PLXDC2: variants seen among roughly 807,000 people sequenced by gnomAD.
PLXDC2 encodes the protein plexin domain-containing protein 2.
A neutral mutation model predicts 68.9 loss-of-function variants in PLXDC2; 40 were observed. The ratio of observed to expected loss-of-function variants is 0.58; its 90% CI spans 0.45 to 0.76. PLXDC2 has a LOEUF of 0.76. PLXDC2 is among the 30% of genes least tolerant of loss of function. PLXDC2 has a pLI of 0.00. For missense variants in PLXDC2, 644 were observed against 661.9 expected (o/e 0.97, Z 0.30); for synonymous variants, 243 against 234.2 (o/e 1.04, Z -0.34).
At chr10:19,996,588 A>AG (rs140956726) in intron 1 of PLXDC2, among the ~76,000 whole-genome samples, 39,278 of 151,868 alleles carry the variant, frequency 0.26, 6,949 homozygotes, top group African/African-American at 0.51. Flanking sequence ...CCCTGTCTCT[A>AG]AAACAAACAA....
At chr10:20,029,024 C>A (rs1274389916) in intron 2 of PLXDC2, among the ~76,000 whole-genome samples, 1 of 152,154 alleles carries the variant, frequency 6.6e-6, no homozygotes, top group African/African-American at 2.4e-5. Flanking sequence ...TTCTGTATTA[C>A]CTCTAGTTGA....
chr10:19,865,965 T>C (rs1357952307), intron 1 of PLXDC2, among the ~76,000 whole-genome samples: 1 of 152,216 alleles, frequency 6.6e-6, no homozygotes, highest in Non-Finnish European at 1.5e-5. Context: ...TCTTATATGC[T>C]TCTGCTGGCT....
chr10:19,939,408 C>T (rs1833779273), intron 1 of PLXDC2, among the ~76,000 whole-genome samples: 1 of 152,092 alleles, frequency 6.6e-6, no homozygotes, highest in Non-Finnish European at 1.5e-5. Flanking sequence ...GGAGTTATAT[C>T]TGCCAATAAG....
intron 13 of PLXDC2, among the ~76,000 whole-genome samples, chr10:20,246,324 T>C (rs1835594610): frequency 6.6e-6 from 1 of 152,196 alleles, no homozygotes. Context: ...AAGGTTGGGT[T>C]TCCTGGGCCC....
chr10:20,048,834 T>C (rs1179667499), intron 3 of PLXDC2, among the ~76,000 whole-genome samples: 2 of 152,116 alleles, frequency 1.3e-5, no homozygotes, highest in Non-Finnish European at 2.9e-5. Context: ...TTGGTTGCCT[T>C]GTGACAGCTC....
chr10:20,045,081 C>T (rs1835773821), intron 2 of PLXDC2, among the ~76,000 whole-genome samples: 1 of 152,150 alleles, frequency 6.6e-6, no homozygotes, highest in South Asian at 2.1e-4. Flanking sequence ...TTTACATCTA[C>T]TTTGTTCTTC....
intron 1 of PLXDC2, among the ~76,000 whole-genome samples, chr10:19,850,093 A>C (rs1284448585): frequency 6.6e-6 from 1 of 152,154 alleles, no homozygotes; most frequent in African/African-American, 2.4e-5. Context: ...AACATTCATC[A>C]ATATACTTTG....
At chr10:19,822,528 T>G (rs1198642996) in intron 1 of PLXDC2, among the ~76,000 whole-genome samples, 3 of 152,194 alleles carry the variant, frequency 2.0e-5, no homozygotes, top group African/African-American at 7.2e-5. Flanking sequence ...GTTTTATTTT[T>G]GATTTTTTGA....
intron 13 of PLXDC2, among the ~76,000 whole-genome samples, chr10:20,265,389 C>T (rs1041189510): frequency 1.3e-5 from 2 of 152,200 alleles, no homozygotes; most frequent in African/African-American, 2.4e-5. Context: ...GTAGCTACTG[C>T]TGTAACACAC....
chr10:19,830,695 T>C (rs1035431821), intron 1 of PLXDC2, among the ~76,000 whole-genome samples: 1 of 151,980 alleles, frequency 6.6e-6, no homozygotes, highest in Admixed American at 6.6e-5. Context: ...CCCCTGGACC[T>C]CAGGCTAACT....
At chr10:20,152,318 A>T (rs911845305) in intron 6 of PLXDC2, among the ~76,000 whole-genome samples, 3 of 152,138 alleles carry the variant, frequency 2.0e-5, no homozygotes, top group Non-Finnish European at 4.4e-5. Flanking sequence ...TTCTTCACCA[A>T]TACCCTGTTG....
chr10:20,185,206 C>T (rs1198842728), intron 9 of PLXDC2, among the ~76,000 whole-genome samples: 3 of 125,216 alleles, frequency 2.4e-5, no homozygotes, highest in Non-Finnish European at 5.0e-5. Context: ...ATTTTCCATA[C>T]AGTGAGGTTT....
intron 4 of PLXDC2, among the ~76,000 whole-genome samples, chr10:20,122,108 C>G (rs1370035293): frequency 1.3e-5 from 2 of 151,838 alleles, no homozygotes; most frequent in Non-Finnish European, 2.9e-5. Context: ...GTCAGGGAAG[C>G]AGATAATGTA....
intron 3 of PLXDC2, among the ~76,000 whole-genome samples, chr10:20,052,456 T>C (rs1019838101): frequency 3.3e-5 from 5 of 152,018 alleles, no homozygotes; most frequent in Non-Finnish European, 5.9e-5. Flanking sequence ...AATGTCCACA[T>C]ACACGTCCAC....
intron 4 of PLXDC2, among the ~76,000 whole-genome samples, chr10:20,125,270 T>C (rs1833756982): frequency 6.6e-6 from 1 of 151,842 alleles, no homozygotes; most frequent in Non-Finnish European, 1.5e-5. Context: ...TTGACTTAAC[T>C]TACTAACAAC....
At position 19,927,700 on chromosome 10, in the gene PLXDC2, C is replaced by T. The variant is rs955625237; in HGVS notation, c.113-74075C>T. On this transcript the variant is annotated intron_variant, in intron 1 of 13. Coordinates refer to ENST00000377252, the MANE Select transcript of PLXDC2 (RefSeq NM_032812.9). ...TGGGTGACAGAGTGAGACTCCATCT[C>T]AAGGAAAAAAAGCAAAAAAAAAAAA... 1.4e-4 allele frequency among the ~76,000 whole-genome samples: 7 copies of T among 50,504 alleles called. No homozygotes were observed. The East Asian group carries it at 1.9e-3, about 14-fold the overall frequency. 33.1% of individuals were successfully genotyped at this position (50,504 alleles called of 152,430 possible).
rs548533158 is a variant in PLXDC2, at chr10:19,997,786, T to C, written c.113-3989T>C. Among the ~76,000 whole-genome samples the C allele has an allele frequency of 4.4e-4, 67 of 152,188 alleles. 1 individual carries two copies. The highest frequency in any genetic ancestry group is 8.1e-4 in the Non-Finnish European group (55 of 68,014). On this transcript the variant is annotated intron_variant, in intron 1 of 13. Transcript: ENST00000377252. ...ATGAATTTCCTGTTCTACTCTCAGA[T>C]TAACTGAACGTTGTGGGGTTTCCTA... is the stretch of plus-strand genomic sequence containing the variant.
chr10:20,105,354 T>C (rs2461946), intron 4 of PLXDC2, among the ~76,000 whole-genome samples: 49,763 of 152,104 alleles, frequency 0.33, 10,745 homozygotes, highest in Non-Finnish European at 0.49. Flanking sequence ...CCATGGAAAA[T>C]ATCTTCTGAC....
chr10:20,186,434 G>A (rs1411698730), intron 9 of PLXDC2, among the ~76,000 whole-genome samples: 1 of 151,770 alleles, frequency 6.6e-6, no homozygotes, highest in Non-Finnish European at 1.5e-5. Context: ...TTTATTTTAG[G>A]TAAGAAGTAC....
Sources: allele counts gnomAD v4.1 joint callset (sites outside exome capture counted in the v4.1 genomes callset), GRCh38; gene constraint gnomAD v4.1.1; transcripts MANE v1.5; gene names NCBI Gene and HGNC (gene_info 2026-07-23, HGNC 2026-07-21).